CYP20A1: variants seen among roughly 807,000 people sequenced by gnomAD.
The protein encoded by CYP20A1 is cytochrome P450 family 20 subfamily A member 1, also known as cytochrome P450 20A1.
A neutral mutation model predicts 61.4 loss-of-function variants in CYP20A1; 61 were observed. The observed-to-expected ratio is 0.99, with a 90% CI of 0.81 to 1.23. CYP20A1 has a LOEUF of 1.23. Among genes scored for constraint, CYP20A1 ranks in the 50% most tolerant of loss-of-function variants. The probability of loss-of-function intolerance (pLI) is 0.00; values close to 1 mark genes in which losing one functional copy is unlikely to be tolerated. For missense variants in CYP20A1, 530 were observed against 542.4 expected (o/e 0.98, Z 0.23); for synonymous variants, 193 against 188.2 (o/e 1.03, Z -0.21).
chr2:203,292,103 TAAGATCACCAA>T (rs1363481190), intron 10 of CYP20A1, among the ~76,000 whole-genome samples, 148 bp from the exon 11 acceptor site: 2 of 152,230 alleles, frequency 1.3e-5, no homozygotes, highest in Non-Finnish European at 2.9e-5. Context: ...TTCCTCATTG[TAAGATCACCAA>T]AATAATCACT....
In CYP20A1 at chr2:203,277,033, A is replaced by G. The variant is rs948810088; in HGVS notation, c.680-1540A>G. Among the ~76,000 whole-genome samples, 5 of 152,266 alleles carry G rather than the reference A, an allele frequency of 3.3e-5. No individual in the cohort carries two copies. In the East Asian group the frequency reaches 5.8e-4, roughly 18 times the overall value. On this transcript the variant is annotated intron_variant, in intron 6 of 12. Coordinates refer to ENST00000356079, the MANE Select transcript of CYP20A1 (RefSeq NM_177538.3). ...AGGGAAGTGTGGAGTCTAGGGGAGT[A>G]TAGTCCTGGGAACCACATGAAAAAG...
intron 1 of CYP20A1, 109 bp downstream of exon 1, chr2:203,239,243 G>A (rs1473838396): frequency 1.1e-6 from 1 of 932,634 alleles, no homozygotes; most frequent in Admixed American, 2.0e-5. Context: ...GGCCTGAGAG[G>A]AGGGTTCGGG....
At chr2:203,267,529 T>C (rs561950824) in intron 5 of CYP20A1, among the ~76,000 whole-genome samples, 3 of 148,702 alleles carry the variant, frequency 2.0e-5, no homozygotes, top group African/African-American at 7.4e-5. Context: ...AGTGAGACTC[T>C]TGTCTCACTC....
intron 1 of CYP20A1, among the ~76,000 whole-genome samples, chr2:203,244,294 C>G (rs1185139654): frequency 3.3e-5 from 5 of 152,066 alleles, no homozygotes; most frequent in Admixed American, 1.3e-4. Context: ...CTCCGCCTCC[C>G]AAGTTCAAGT....
At chr2:203,244,737 T>C (rs970954134) in intron 1 of CYP20A1, among the ~76,000 whole-genome samples, 2 of 149,846 alleles carry the variant, frequency 1.3e-5, no homozygotes, top group Non-Finnish European at 3.0e-5. Flanking sequence ...TAATTCTTTT[T>C]TTTTTTTTTT....
At chr2:203,252,405 T>C (rs948380538) in intron 4 of CYP20A1, among the ~76,000 whole-genome samples, 6 of 152,048 alleles carry the variant, frequency 3.9e-5, no homozygotes, top group Non-Finnish European at 8.8e-5. Context: ...GTTGTTGTTA[T>C]TGTTGTTGAG....
intron 9 of CYP20A1, among the ~76,000 whole-genome samples, chr2:203,288,083 T>C (rs1405305235): frequency 3.7e-5 from 5 of 134,210 alleles, no homozygotes; most frequent in Non-Finnish European, 6.3e-5. Flanking sequence ...TTTTTTTTTT[T>C]CAGATGCAGT....
chr2:203,240,954 C>A (rs190903301), intron 1 of CYP20A1, among the ~76,000 whole-genome samples: 57 of 152,254 alleles, frequency 3.7e-4, no homozygotes, highest in African/African-American at 1.3e-3. Context: ...CATGAATTGA[C>A]ATGGGTCTCC....
intron 11 of CYP20A1, 57 bp downstream of exon 11, chr2:203,292,383 G>A: frequency 3.9e-6 from 5 of 1,292,636 alleles, no homozygotes; most frequent in Admixed American, 1.7e-5. Context: ...TGCACGTTTT[G>A]CATTCCTTTC....
intron 4 of CYP20A1, among the ~76,000 whole-genome samples, chr2:203,264,321 G>A (rs1559093998): frequency 1.3e-5 from 2 of 151,988 alleles, no homozygotes; most frequent in Non-Finnish European, 2.9e-5. Context: ...TTGGAAGTTA[G>A]GACATTGAAT....
intron 5 of CYP20A1, among the ~76,000 whole-genome samples, chr2:203,267,489 G>A (rs983721176): frequency 3.4e-5 from 5 of 149,068 alleles, no homozygotes; most frequent in Admixed American, 6.8e-5. Context: ...AGCCAAGACC[G>A]CACCACTGCA....
At chr2:203,258,051 G>T (rs2066990329) in intron 4 of CYP20A1, among the ~76,000 whole-genome samples, 1 of 51,462 alleles carries the variant, frequency 1.9e-5, no homozygotes, top group Non-Finnish European at 7.2e-5. Flanking sequence ...ACAGGCACGT[G>T]CCACCCTGCC....
chr2:203,271,410 T>G (rs1008614220), intron 5 of CYP20A1, among the ~76,000 whole-genome samples: 2 of 152,010 alleles, frequency 1.3e-5, no homozygotes, highest in Admixed American at 6.6e-5. Flanking sequence ...TTTTAACATT[T>G]AAGTAATCTG....
chr2:203,272,125 T>G (rs1254597545), intron 5 of CYP20A1, among the ~76,000 whole-genome samples: 1 of 152,258 alleles, frequency 6.6e-6, no homozygotes, highest in African/African-American at 2.4e-5. Flanking sequence ...TTTCCATTTC[T>G]TATTAGTTTG....
At chr2:203,244,891 C>A (rs1023008619) in intron 1 of CYP20A1, among the ~76,000 whole-genome samples, 1 of 151,984 alleles carries the variant, frequency 6.6e-6, no homozygotes, top group African/African-American at 2.4e-5. Flanking sequence ...CGCCACAACG[C>A]CCTGCTAATT....
chr2:203,268,497 T>C (rs147974104), intron 5 of CYP20A1, among the ~76,000 whole-genome samples: 33 of 152,320 alleles, frequency 2.2e-4, no homozygotes, highest in East Asian at 1.3e-3. Context: ...AAAATACATA[T>C]TTTTGGCAAG....
At chr2:203,274,461 C>T (rs1429816066) in intron 6 of CYP20A1, among the ~76,000 whole-genome samples, 1 of 152,144 alleles carries the variant, frequency 6.6e-6, no homozygotes, top group Non-Finnish European at 1.5e-5. Flanking sequence ...GCTGGGATTA[C>T]AGGTGTGAGC....
At chr2:203,255,821 A>G (rs937616608) in intron 4 of CYP20A1, among the ~76,000 whole-genome samples, 38 of 152,152 alleles carry the variant, frequency 2.5e-4, no homozygotes, top group African/African-American at 8.9e-4. Flanking sequence ...TGTCTATGCT[A>G]TTCCCATTGC....
intron 4 of CYP20A1, among the ~76,000 whole-genome samples, chr2:203,261,263 A>AAT (rs2067126059): frequency 6.6e-6 from 1 of 151,922 alleles, no homozygotes; most frequent in African/African-American, 2.4e-5. Flanking sequence ...AACTCTAAAG[A>AAT]ATATAGGAAT....
Sources: allele counts gnomAD v4.1 joint callset (sites outside exome capture counted in the v4.1 genomes callset), GRCh38; gene constraint gnomAD v4.1.1; transcripts MANE v1.5; gene names NCBI Gene and HGNC (gene_info 2026-07-23, HGNC 2026-07-21).